Variants in PHF5A observed in about 807,000 individuals in gnomAD.
PHF5A encodes the protein PHD finger protein 5A, also known as PHD finger-like domain-containing protein 5A.
For missense variants in PHF5A, 24 were observed against 140.6 expected (o/e 0.17, Z 4.19); for synonymous variants, 52 against 46.0 (o/e 1.13, Z -0.52).
chr22:41,461,270 T>C (rs1435981221), intron 3 of PHF5A, among the ~76,000 whole-genome samples: 1 of 152,210 alleles, frequency 6.6e-6, no homozygotes, highest in East Asian at 1.9e-4. Flanking sequence ...AATAATTTAC[T>C]AAACACCTAA....
intron 3 of PHF5A, among the ~76,000 whole-genome samples, chr22:41,462,841 A>G (rs1022130654): frequency 4.6e-5 from 7 of 151,686 alleles, no homozygotes; most frequent in Non-Finnish European, 7.4e-5. Flanking sequence ...CAATCCTCCA[A>G]TCTGCACAGC....
rs1046109929 is a variant in PHF5A, at chr22:41,460,229, T to C, written c.*169A>G. On this transcript the variant is annotated 3_prime_UTR_variant, in exon 4 of 4. Transcript: ENST00000216252. ...TCTGTGAAGAATCCTTTTCCATCCC[T>C]ACCACGTGTCTGGGTGAAGGGAGAG... The C allele has an allele frequency of 1.1e-5, 6 of 566,970 alleles. No individual in the cohort carries two copies. Among genetic ancestry groups the C allele is most frequent in the Admixed American group, 2.7e-5 (1 of 37,500 alleles). The allele number at this position is 566,970 out of a possible 1,614,324, so 35.1% of individuals were successfully genotyped here.
chr22:41,465,901 A>AATAC (rs2146063371), intron 3 of PHF5A, among the ~76,000 whole-genome samples: 1 of 152,178 alleles, frequency 6.6e-6, no homozygotes, highest in Non-Finnish European at 1.5e-5. Context: ...TAAATAAATA[A>AATAC]ATAAATAAAA....
At chr22:41,463,944 T>C (rs1259778691) in intron 3 of PHF5A, among the ~76,000 whole-genome samples, 1 of 152,032 alleles carries the variant, frequency 6.6e-6, no homozygotes, top group East Asian at 1.9e-4. Context: ...GGTCTGTCAC[T>C]TATTAGCCAC....
chr22:41,467,358 T>C (rs2037875298), intron 3 of PHF5A, 90 bp downstream of exon 3: 1 of 1,250,412 alleles, frequency 8.0e-7, no homozygotes, highest in Non-Finnish European at 1.1e-6. Context: ...ATGAACACAG[T>C]AATCTCCATA....
At chr22:41,461,499 G>A (rs1454133647) in intron 3 of PHF5A, among the ~76,000 whole-genome samples, 3 of 150,278 alleles carry the variant, frequency 2.0e-5, no homozygotes, top group Non-Finnish European at 3.0e-5. Context: ...GGGACTACAG[G>A]TACACGCCGC....
At chr22:41,465,925 A>C (rs1197554615) in intron 3 of PHF5A, among the ~76,000 whole-genome samples, 2 of 152,180 alleles carry the variant, frequency 1.3e-5, no homozygotes, top group African/African-American at 4.8e-5. Context: ...CAACATAGTG[A>C]AATAAGGACA....
intron 3 of PHF5A, among the ~76,000 whole-genome samples, chr22:41,464,099 T>C (rs1293211425): frequency 6.6e-6 from 1 of 152,230 alleles, no homozygotes; most frequent in Non-Finnish European, 1.5e-5. Context: ...TTTTTCTTAT[T>C]TTCTGGTTGG....
In PHF5A at chr22:41,459,888, G is replaced by T; in HGVS notation, c.*510C>A. 1 of 106,224 alleles carries T rather than the reference G, an allele frequency of 9.4e-6. No individual in the cohort carries two copies. Among genetic ancestry groups the T allele is most frequent in the Non-Finnish European group, 2.0e-5 (1 of 49,102 alleles). The allele number at this position is 106,224 out of a possible 1,614,324, so 6.6% of individuals were successfully genotyped here. A position where few individuals can be genotyped will look rare whatever the true frequency, so the allele number is the denominator to read the frequency against. On this transcript the variant is annotated 3_prime_UTR_variant, in exon 4 of 4. Transcript: ENST00000216252. ...TTAAACAAGTAAATGCCTTTCAAGA[G>T]GGCAGAGCCCTGCCCCCCCACCCCC...
chr22:41,466,594 GCTCACTGCAGCCTTGA>G (rs1356458355), intron 3 of PHF5A, among the ~76,000 whole-genome samples: 1 of 152,096 alleles, frequency 6.6e-6, no homozygotes, highest in Non-Finnish European at 1.5e-5. Context: ...CGTGAAAATG[GCTCACTGCAGCCTTGA>G]CCTCTTGGTC....
chr22:41,461,173 C>CA (rs1490885241), intron 3 of PHF5A, among the ~76,000 whole-genome samples: 1 of 150,902 alleles, frequency 6.6e-6, no homozygotes. Context: ...AACTCCATCT[C>CA]AAAAAAAGAA....
chr22:41,461,657 C>T (rs974587267), intron 3 of PHF5A, among the ~76,000 whole-genome samples: 2 of 151,734 alleles, frequency 1.3e-5, no homozygotes, highest in African/African-American at 2.4e-5. Flanking sequence ...AGTGCTCGGC[C>T]ATACCTTATA....
intron 3 of PHF5A, among the ~76,000 whole-genome samples, chr22:41,465,593 A>G: frequency 6.6e-6 from 1 of 152,142 alleles, no homozygotes; most frequent in East Asian, 1.9e-4. Flanking sequence ...GTAAAAGGAC[A>G]ACATAAGGCC....
At chr22:41,468,543 AC>A (rs1037483482) in intron 1 of PHF5A, 58 bp downstream of exon 1, 5 of 1,571,140 alleles carry the variant, frequency 3.2e-6, no homozygotes, top group East Asian at 4.5e-5. Context: ...GGAACCCCCG[AC>A]CCCCCAGCTC....
chr22:41,461,473 C>T (rs1027042754), intron 3 of PHF5A, among the ~76,000 whole-genome samples: 9 of 151,244 alleles, frequency 6.0e-5, no homozygotes, highest in Non-Finnish European at 1.2e-4. Flanking sequence ...CTGCAACCTC[C>T]GCCACCCGAG....
intron 3 of PHF5A, among the ~76,000 whole-genome samples, chr22:41,467,036 CTTTT>C (rs11304465): frequency 7.0e-6 from 1 of 142,324 alleles, no homozygotes; most frequent in African/African-American, 2.6e-5. Flanking sequence ...AAACAAAACA[CTTTT>C]TTTTTTTTTG....
chr22:41,467,148 G>C (rs891261317), intron 3 of PHF5A, among the ~76,000 whole-genome samples: 1 of 151,868 alleles, frequency 6.6e-6, no homozygotes, highest in Non-Finnish European at 1.5e-5. Context: ...TTACAGGTGT[G>C]GGCCACCACG....
intron 3 of PHF5A, among the ~76,000 whole-genome samples, chr22:41,465,883 AAAATAAAT>A (rs576477151): frequency 6.6e-6 from 1 of 152,004 alleles, no homozygotes; most frequent in Non-Finnish European, 1.5e-5. Context: ...TCCATCTCAA[AAAATAAAT>A]AAATAAATAA....
At chr22:41,460,724 GA>G (rs33913007) in intron 3 of PHF5A, among the ~76,000 whole-genome samples, 43 of 148,146 alleles carry the variant, frequency 2.9e-4, no homozygotes, top group African/African-American at 6.2e-4. Context: ...CCCATCTCTT[GA>G]AAAAAAAAAA....
Sources: gnomAD v4.1 joint callset for allele counts (sites outside exome capture counted in the v4.1 genomes callset) on GRCh38, gnomAD v4.1.1 for gene constraint, MANE v1.5 for transcripts, NCBI Gene and HGNC (gene_info 2026-07-23, HGNC 2026-07-21) for gene names.